Variants in ABHD12 observed in about 807,000 individuals in gnomAD.
ABHD12 encodes the protein lysophosphatidylserine lipase ABHD12.
A neutral mutation model predicts 58.3 loss-of-function variants in ABHD12; 43 were observed. That is an observed-to-expected ratio of 0.74 (90% CI 0.58 to 0.95). The LOEUF (loss-of-function observed/expected upper bound fraction) is 0.95. Among genes scored for constraint, ABHD12 ranks in the 40% least tolerant of loss-of-function variants. The probability of loss-of-function intolerance (pLI) is 0.00; values close to 1 mark genes in which losing one functional copy is unlikely to be tolerated. For synonymous variants in ABHD12, 219 were observed against 211.2 expected (o/e 1.04, Z -0.32); for missense variants, 539 against 537.2 (o/e 1.00, Z -0.03).
intron 1 of ABHD12, among the ~76,000 whole-genome samples, chr20:25,386,240 T>C (rs1430604739): frequency 6.6e-6 from 1 of 151,332 alleles, no homozygotes; most frequent in Non-Finnish European, 1.5e-5. Flanking sequence ...TTCTCACAAA[T>C]GATGTAAAAT....
chr20:25,298,239 G>A (rs952229407), downstream of ABHD12, among the ~76,000 whole-genome samples: 8 of 151,808 alleles, frequency 5.3e-5, no homozygotes, highest in Non-Finnish European at 8.8e-5. Context: ...TGTGGAACCC[G>A]GGGTCATGTG....
chr20:25,320,961 T>C (rs2089056015), intron 3 of ABHD12, among the ~76,000 whole-genome samples: 1 of 152,220 alleles, frequency 6.6e-6, no homozygotes, highest in South Asian at 2.1e-4. Context: ...CCACATCGAA[T>C]ACTGTTAATC....
chr20:25,338,904 G>A (rs918846239), intron 2 of ABHD12: 9 of 1,162,162 alleles, frequency 7.7e-6, no homozygotes, highest in Admixed American at 4.2e-5. Flanking sequence ...AGACAGATAC[G>A]CTGGTCCCCC....
intron 2 of ABHD12, among the ~76,000 whole-genome samples, chr20:25,331,378 T>G (rs1298801526): frequency 6.6e-6 from 1 of 152,052 alleles, no homozygotes; most frequent in Non-Finnish European, 1.5e-5. Flanking sequence ...TGGAAAACAC[T>G]CTGCAGGATA....
chr20:25,311,829 T>C (rs1312150420), intron 6 of ABHD12, among the ~76,000 whole-genome samples: 1 of 152,006 alleles, frequency 6.6e-6, no homozygotes, highest in Non-Finnish European at 1.5e-5. Flanking sequence ...CTCAGCCTCC[T>C]GAGTAGCTGG....
chr20:25,363,039 T>G (rs983592828), intron 1 of ABHD12, among the ~76,000 whole-genome samples: 4 of 152,132 alleles, frequency 2.6e-5, no homozygotes, highest in African/African-American at 9.6e-5. Context: ...CAATTTTGAC[T>G]CCTCCTTTTT....
At chr20:25,363,742 G>A (rs570890012) in intron 1 of ABHD12, among the ~76,000 whole-genome samples, 9 of 152,104 alleles carry the variant, frequency 5.9e-5, no homozygotes, top group South Asian at 4.1e-4. Context: ...GCACATGCCC[G>A]TAATCTCAGA....
chr20:25,364,913 G>A (rs12625157), intron 1 of ABHD12, among the ~76,000 whole-genome samples: 34,490 of 152,128 alleles, frequency 0.23, 4,474 homozygotes, highest in East Asian at 0.57. Flanking sequence ...AGATGGCTAG[G>A]AGACCACCAA....
chr20:25,352,774 T>C (rs1015596192), intron 1 of ABHD12, among the ~76,000 whole-genome samples: 5 of 152,184 alleles, frequency 3.3e-5, no homozygotes, highest in Admixed American at 1.3e-4. Context: ...CCAGGCATGG[T>C]AGCTGATGCC....
At chr20:25,367,288 G>T (rs2089835529) in intron 1 of ABHD12, among the ~76,000 whole-genome samples, 1 of 152,146 alleles carries the variant, frequency 6.6e-6, no homozygotes, top group Non-Finnish European at 1.5e-5. Flanking sequence ...GTGACATGGA[G>T]GGAGGGCTTA....
chr20:25,299,653 C>T (rs540865487), downstream of ABHD12, among the ~76,000 whole-genome samples: 2 of 152,308 alleles, frequency 1.3e-5, no homozygotes, highest in South Asian at 2.1e-4. Flanking sequence ...TGCCTGGCTC[C>T]CCTAGGGGTT....
rs542041909 is a variant in ABHD12, at chr20:25,306,690, CTTT to C, written c.950+140_950+142del. 1.2e-5 allele frequency: 8 copies of C among 646,986 alleles called. No homozygotes were observed. In the South Asian group the frequency reaches 1.3e-4, roughly 11 times the overall value. 40.1% of individuals were successfully genotyped at this position (646,986 alleles called of 1,614,324 possible). A position where few individuals can be genotyped will look rare whatever the true frequency, so the allele number is the denominator to read the frequency against. ...AACCACGGTCCCTAGCAGGCTTTCCCTTTTTAAAGACCTGTTTGCTAGAGAATG... is the reference window on the plus strand; with the variant it reads ...AACCACGGTCCCTAGCAGGCTTTCCCTTAAAGACCTGTTTGCTAGAGAATG... On this transcript the variant is annotated intron_variant, in intron 10 of 12. Transcript: ENST00000339157.
chr20:25,390,391 C>T, intron 1 of ABHD12, 122 bp downstream of exon 1: 1 of 1,017,772 alleles, frequency 9.8e-7, no homozygotes, highest in South Asian at 2.6e-5. Flanking sequence ...CGGGGGCGGC[C>T]GCGGATCGGG....
At chr20:25,375,430 G>A (rs1179029393) in intron 1 of ABHD12, among the ~76,000 whole-genome samples, 2 of 152,222 alleles carry the variant, frequency 1.3e-5, no homozygotes, top group African/African-American at 4.8e-5. Flanking sequence ...GCCACAGAGA[G>A]TTTCCTCACA....
intron 3 of ABHD12, among the ~76,000 whole-genome samples, chr20:25,321,450 G>C (rs748195722): frequency 6.6e-6 from 1 of 152,270 alleles, no homozygotes; most frequent in Non-Finnish European, 1.5e-5. Flanking sequence ...GGTGGGGGCA[G>C]TTGGTGAGCT....
chr20:25,302,531 C>T (rs2088656977), intron 11 of ABHD12, among the ~76,000 whole-genome samples, 185 bp from the exon 12 acceptor site: 1 of 152,108 alleles, frequency 6.6e-6, no homozygotes, highest in Non-Finnish European at 1.5e-5. Context: ...AGGCCCCAGG[C>T]TTGGCTCCTG....
At chr20:25,354,840 G>C (rs988220805) in intron 1 of ABHD12, among the ~76,000 whole-genome samples, 1 of 151,958 alleles carries the variant, frequency 6.6e-6, no homozygotes, top group Non-Finnish European at 1.5e-5. Flanking sequence ...GACAGTGTTT[G>C]GCCTCCCTCC....
chr20:25,307,995 C>T lies in ABHD12; in HGVS notation c.838G>A (p.Glu280Lys), dbSNP rs995580201. 10 of 1,609,242 alleles carry T rather than the reference C, an allele frequency of 6.2e-6. No individual in the cohort carries two copies. In the East Asian group the frequency reaches 6.7e-5, roughly 11 times the overall value. ...ILESPFTNIR[E>K]EAKSHPFSVI... Reference sequence around the variant, plus strand: ...GAAAATGGATGGCTCTTAGCTTCTTCGCGGATATTAGTGAATGGAGATTCC... The same window carrying T: ...GAAAATGGATGGCTCTTAGCTTCTTTGCGGATATTAGTGAATGGAGATTCC... The change falls in exon 9 of 13, where the codon GAA becomes AAA. Residue 280 changes from glutamate (E) to lysine (K), a missense_variant. Physicochemically the swap from Glu to Lys is moderately conservative, Grantham distance 56. Coordinates refer to ENST00000339157, the MANE Select transcript of ABHD12 (RefSeq NM_001042472.3).
At chr20:25,389,176 A>G (rs6083827) in intron 1 of ABHD12, among the ~76,000 whole-genome samples, 3,838 of 151,586 alleles carry the variant, frequency 0.025, 63 homozygotes, top group Non-Finnish European at 0.036. Context: ...ATAAAATTGT[A>G]TTAAAGTTAA....
Sources: gnomAD v4.1 joint callset for allele counts (sites outside exome capture counted in the v4.1 genomes callset) on GRCh38, gnomAD v4.1.1 for gene constraint, MANE v1.5 for transcripts, NCBI Gene and HGNC (gene_info 2026-07-23, HGNC 2026-07-21) for gene names.